GLYR1: variants seen among roughly 807,000 people sequenced by gnomAD.
The protein encoded by GLYR1 is cytokine-like nuclear factor N-PAC.
In GLYR1, 21 loss-of-function variants were observed where a neutral mutation model predicts 72.7. The ratio of observed to expected loss-of-function variants is 0.29; its 90% CI spans 0.20 to 0.42. The LOEUF (loss-of-function observed/expected upper bound fraction) is 0.42. GLYR1 is among the 10% of genes least tolerant of loss of function. The probability of loss-of-function intolerance (pLI) is 1.00; values close to 1 mark genes in which losing one functional copy is unlikely to be tolerated. For missense variants in GLYR1, 594 were observed against 712.1 expected (o/e 0.83, Z 1.89); for synonymous variants, 392 against 270.2 (o/e 1.45, Z -4.42).
At chr16:4,807,274 G>T (rs2083048630) in intron 15 of GLYR1, among the ~76,000 whole-genome samples, 1 of 151,658 alleles carries the variant, frequency 6.6e-6, no homozygotes, top group African/African-American at 2.4e-5. Context: ...ACTATGCCCG[G>T]CTAATTTTTG....
In GLYR1 at chr16:4,831,993, G is replaced by C; in HGVS notation, c.523C>G (p.Pro175Ala). 6.2e-7 allele frequency: 1 copy of C among 1,613,586 alleles called. No individual in the cohort carries two copies. Reference protein sequence around the residue: ...EQSPRKRGRPPKDEKDLTIPE... With the variant: ...EQSPRKRGRPAKDEKDLTIPE... ...AGAAAACAAACCTTCTCATCCTTTG[G>C]GGGCCGACCCCGCTTCCGGGGACTT... Residue 175 changes from proline to alanine, a missense_variant, in exon 5 of 16, where the codon CCA (proline) becomes GCA (alanine). Transcript: ENST00000321919.
chr16:4,821,699 CA>C, intron 7 of GLYR1, 102 bp from the exon 8 acceptor site: 1 of 1,071,154 alleles, frequency 9.3e-7, no homozygotes, highest in Non-Finnish European at 1.4e-6. Context: ...AAGTTAACAT[CA>C]ACTATTTGTT....
chr16:4,813,487 C>G (rs992516261), intron 12 of GLYR1, among the ~76,000 whole-genome samples: 4 of 152,232 alleles, frequency 2.6e-5, no homozygotes, highest in Admixed American at 2.0e-4. Flanking sequence ...GCCTGGGTTG[C>G]TTCTCATCAT....
At chr16:4,846,569 C>CT (rs1425208173) in intron 1 of GLYR1, 2 of 287,670 alleles carry the variant, frequency 7.0e-6, no homozygotes, top group African/African-American at 4.3e-5. Context: ...TTGACAAATG[C>CT]TAATGGAAGC....
chr16:4,809,942 AAAAAACAAAAAAAC>A (rs1280419834), intron 15 of GLYR1, among the ~76,000 whole-genome samples: 1 of 149,190 alleles, frequency 6.7e-6, no homozygotes, highest in African/African-American at 2.6e-5. Context: ...ACAAAAAAAC[AAAAAACAAAAAAAC>A]AAAAAAAACC....
rs986140652 is a variant in GLYR1, at chr16:4,832,143, C to T, written c.373G>A (p.Glu125Lys). ...TCAGACAGGCTAAGTTTGCGCTTCTCATCACCTGAGTTTGGCCTACTTCTC... is the reference window on the plus strand; with the variant it reads ...TCAGACAGGCTAAGTTTGCGCTTCTTATCACCTGAGTTTGGCCTACTTCTC... ...EERSRPNSGDEKRKLSLSEGK... is the reference protein window; with the variant it reads ...EERSRPNSGDKKRKLSLSEGK... Residue 125 changes from glutamate to lysine, a missense_variant, in exon 5 of 16, where the codon GAG becomes AAG. Glu to Lys is a moderately conservative substitution (Grantham distance 56). This residue lies in a region of GLYR1 where 252 missense variants were observed against 211.3 expected (regional missense o/e 1.19). Coordinates refer to ENST00000321919, the MANE Select transcript of GLYR1 (RefSeq NM_032569.4). 4 of 1,614,224 alleles carry T rather than the reference C, an allele frequency of 2.5e-6. No individual in the cohort carries two copies. The highest frequency in any genetic ancestry group is 3.3e-5 in the Admixed American group (2 of 60,018).
chr16:4,808,235 C>CAAAAAA (rs57992836), intron 15 of GLYR1, among the ~76,000 whole-genome samples: 9 of 81,418 alleles, frequency 1.1e-4, no homozygotes, highest in Admixed American at 4.0e-4. Context: ...GACTCTGTCT[C>CAAAAAA]AAAAAAAAAA....
intron 10 of GLYR1, among the ~76,000 whole-genome samples, chr16:4,815,777 G>C (rs2083597950): frequency 6.6e-6 from 1 of 151,992 alleles, no homozygotes; most frequent in Non-Finnish European, 1.5e-5. Flanking sequence ...AGTCAAAAAA[G>C]GCAACTGTTT....
intron 3 of GLYR1, among the ~76,000 whole-genome samples, chr16:4,836,595 T>C (rs2085148230): frequency 6.6e-6 from 1 of 152,182 alleles, no homozygotes; most frequent in Non-Finnish European, 1.5e-5. Context: ...TCTCGTAAGA[T>C]ATCTGGCTAC....
At chr16:4,811,949 G>T in intron 13 of GLYR1, 137 bp downstream of exon 13, 1 of 1,413,940 alleles carries the variant, frequency 7.1e-7, no homozygotes, top group Non-Finnish European at 9.6e-7. Flanking sequence ...CTCCTTCCAC[G>T]CACTGACTAT....
intron 3 of GLYR1, chr16:4,840,442 T>G (rs2085464060): frequency 6.6e-6 from 1 of 152,310 alleles, no homozygotes; most frequent in Non-Finnish European, 1.5e-5. Flanking sequence ...GATGCATGGT[T>G]TTGTACTCAA....
rs770410027 is a variant in GLYR1, at chr16:4,847,283, G to A, written c.-18C>T. The A allele has an allele frequency of 1.2e-5, 19 of 1,609,470 alleles. No individual in the cohort carries two copies. The highest frequency in any genetic ancestry group is 4.0e-5 in the African/African-American group (3 of 74,532). On this transcript the variant is annotated 5_prime_UTR_variant, in exon 1 of 16. Transcript: ENST00000321919. The stretch of plus-strand genomic sequence containing the variant: ...GCCGCCATCTTACCACCCAACCACC[G>A]CCGACGCACGGGCCGCCGGGAACAG...
At chr16:4,826,581 T>C (rs1022792199) in intron 5 of GLYR1, among the ~76,000 whole-genome samples, 2 of 152,240 alleles carry the variant, frequency 1.3e-5, no homozygotes, top group South Asian at 2.1e-4. Flanking sequence ...ATTTGGCCTA[T>C]AGGAGAATTA....
At chr16:4,833,087 T>A in intron 3 of GLYR1, 175 bp from the exon 4 acceptor site, 1 of 489,948 alleles carries the variant, frequency 2.0e-6, no homozygotes, top group Non-Finnish European at 3.5e-6. Flanking sequence ...ATGTCTAAAG[T>A]ATATTTTCTT....
chr16:4,831,262 T>TCCAAATTGGCTCTGAGACTTTCCC (rs2084777623), intron 5 of GLYR1, among the ~76,000 whole-genome samples: 1 of 152,106 alleles, frequency 6.6e-6, no homozygotes, highest in Non-Finnish European at 1.5e-5. Flanking sequence ...TAGACTTACC[T>TCCAAATTGGCTCTGAGACTTTCCC]CCTAATTGGC....
intron 7 of GLYR1, among the ~76,000 whole-genome samples, chr16:4,821,889 C>T (rs1362324402): frequency 2.6e-5 from 4 of 152,212 alleles, no homozygotes; most frequent in Admixed American, 2.6e-4. Flanking sequence ...GATCCTAGCA[C>T]GGCTCAGGCC....
At chr16:4,847,172 C>A in intron 1 of GLYR1, 56 bp downstream of exon 1, 2 of 1,527,274 alleles carry the variant, frequency 1.3e-6, no homozygotes, top group Non-Finnish European at 1.8e-6. Context: ...GCGAACCCCG[C>A]GCCCAGGCGG....
chr16:4,823,795 G>C, intron 6 of GLYR1, 26 bp downstream of exon 6: 4 of 1,526,910 alleles, frequency 2.6e-6, no homozygotes, highest in Middle Eastern at 1.7e-4. Context: ...GCCACAGCTT[G>C]TCCTGCCTGC....
intron 5 of GLYR1, among the ~76,000 whole-genome samples, chr16:4,827,523 G>A (rs908015364): frequency 5.3e-5 from 8 of 152,030 alleles, no homozygotes; most frequent in African/African-American, 1.7e-4. Flanking sequence ...AGAGCTCCTG[G>A]ACCACAGACA....
Sources: allele counts gnomAD v4.1 joint callset (sites outside exome capture counted in the v4.1 genomes callset), GRCh38; gene constraint gnomAD v4.1.1; regional missense constraint gnomAD v4.1.1; transcripts MANE v1.5; gene names NCBI Gene and HGNC (gene_info 2026-07-23, HGNC 2026-07-21).